XIRP2: variants seen among roughly 807,000 people sequenced by gnomAD.
XIRP2 encodes the protein xin actin-binding repeat-containing protein 2.
Under a neutral mutation model 277.0 loss-of-function variants are expected in XIRP2, and 236 were observed. The ratio of observed to expected loss-of-function variants is 0.85; its 90% confidence interval spans 0.77 to 0.95. XIRP2 has a LOEUF of 0.95. XIRP2 is among the 40% of genes least tolerant of loss of function. The probability of loss-of-function intolerance (pLI) is 0.00; values close to 1 mark genes in which losing one functional copy is unlikely to be tolerated. For synonymous variants in XIRP2, 1,490 were observed against 1,416.5 expected, an observed-to-expected ratio of 1.05 and a Z score of -1.17; for missense variants, 4,640 against 4,157.5, an observed-to-expected ratio of 1.12 and a Z score of -3.19.
At chr2:166,957,129 G>A (rs184699417) in intron 2 of XIRP2, among the ~76,000 whole-genome samples, 2 of 151,636 alleles carry the variant, frequency 1.3e-5, no homozygotes, top group Admixed American at 6.6e-5. Context: ...TCCATGTTGT[G>A]CCTCATTTGT....
At chr2:167,138,584 TC>T (rs1288552195) in intron 3 of XIRP2, among the ~76,000 whole-genome samples, 1 of 152,194 alleles carries the variant, frequency 6.6e-6, no homozygotes, top group Non-Finnish European at 1.5e-5. Context: ...ATTCACATTT[TC>T]TTGGAGATAC....
chr2:167,072,576 C>T (rs1023334238), intron 2 of XIRP2, among the ~76,000 whole-genome samples: 8 of 152,066 alleles, frequency 5.3e-5, no homozygotes, highest in African/African-American at 1.7e-4. Flanking sequence ...ATTATATATA[C>T]GTCTATATCC....
At chr2:167,217,771 T>C (rs909181130) in intron 4 of XIRP2, among the ~76,000 whole-genome samples, 9 of 152,172 alleles carry the variant, frequency 5.9e-5, no homozygotes, top group African/African-American at 1.9e-4. Context: ...ATGTGTTCCC[T>C]ATATAGATGT....
At chr2:167,227,512 G>A (rs925144195) in intron 5 of XIRP2, among the ~76,000 whole-genome samples, 9 of 152,000 alleles carry the variant, frequency 5.9e-5, no homozygotes, top group Admixed American at 1.3e-4. Flanking sequence ...ACCAGCCTGG[G>A]CAACATAGCA....
chr2:167,077,367 T>G (rs1339338644), intron 2 of XIRP2, among the ~76,000 whole-genome samples: 1 of 152,160 alleles, frequency 6.6e-6, no homozygotes, highest in Non-Finnish European at 1.5e-5. Context: ...GAGTCATTTA[T>G]TCAACAAATA....
chr2:167,166,862 A>G (rs114159804), intron 3 of XIRP2, among the ~76,000 whole-genome samples: 6,221 of 152,226 alleles, frequency 0.041, 136 homozygotes, highest in Non-Finnish European at 0.051. Context: ...AATTATATCA[A>G]TGGTGTTGTT....
chr2:167,007,679 A>ACTCTCTCT (rs145843756), intron 2 of XIRP2, among the ~76,000 whole-genome samples: 25 of 142,384 alleles, frequency 1.8e-4, no homozygotes, highest in Middle Eastern at 3.6e-3. Context: ...CCACATGTAC[A>ACTCTCTCT]CTCTCTCTCT....
chr2:167,057,734 A>G (rs532650355), intron 2 of XIRP2, among the ~76,000 whole-genome samples: 63 of 152,350 alleles, frequency 4.1e-4, no homozygotes, highest in Admixed American at 9.2e-4. Flanking sequence ...AGAGACAACC[A>G]TAAATCCTGA....
rs111679987 is a variant in XIRP2, at chr2:166,930,843, G to A, written c.408+26953G>A. Among the ~76,000 whole-genome samples the A allele has an allele frequency of 3.6e-3, 555 of 152,178 alleles. 4 individuals carry two copies. Among genetic ancestry groups the A allele is most frequent in the African/African-American group, 0.012 (507 of 41,532 alleles). On this transcript the variant is annotated intron_variant, in intron 2 of 10. Coordinates refer to ENST00000409195, the MANE Select transcript of XIRP2 (RefSeq NM_152381.6). ...CAGAACATTCCCACTGAAAAAAGACGTAAATTTGAATGAATTGTGTGTTTT... is the reference window on the plus strand; with the variant it reads ...CAGAACATTCCCACTGAAAAAAGACATAAATTTGAATGAATTGTGTGTTTT...
rs1684435923 is a variant in XIRP2, at chr2:166,903,494, G to T, written c.12G>T (p.Met4Ile). The change falls in exon 2 of 11, where the codon ATG becomes ATT. Residue 4 changes from methionine (M) to isoleucine (I), a missense_variant. Physicochemically the swap from Met to Ile is conservative, Grantham distance 10 (BLOSUM62 1). Coordinates refer to ENST00000409195, the MANE Select transcript of XIRP2 (RefSeq NM_152381.6). Reference sequence around the variant, plus strand: ...ACCTGGACCCATCCATGTTCCCAATGCAGAAGGGCTCCCTCAACCTCCTGA... The same window carrying T: ...ACCTGGACCCATCCATGTTCCCAATTCAGAAGGGCTCCCTCAACCTCCTGA... MFPMQKGSLNLLRQ... is the reference protein window; with the variant it reads MFPIQKGSLNLLRQ... The T allele has an allele frequency of 6.2e-7, 1 of 1,612,534 alleles. No individual in the cohort carries two copies. Among genetic ancestry groups the T allele is most frequent in the Non-Finnish European group, 8.5e-7 (1 of 1,179,046 alleles).
rs75540350 is a variant in XIRP2, at chr2:167,240,112, T to A, written c.969+147T>A. On this transcript the variant is annotated intron_variant, in intron 6 of 10. Transcript: ENST00000409195. ...TTCTTTCTCCACTTTCAAGTTGGAA[T>A]TCTTTTAAAAGTAAAATAGGGCCAG... 7.5e-3 allele frequency: 6,105 copies of A among 814,238 alleles called. 35 individuals carry two copies. The highest frequency in any genetic ancestry group is 9.9e-3 in the Non-Finnish European group (5,541 of 562,330). The allele number at this position is 814,238 out of a possible 1,614,324, so 50.4% of individuals were successfully genotyped here. A position where few individuals can be genotyped will look rare whatever the true frequency, so the allele number is the denominator to read the frequency against.
At chr2:167,122,676 G>C (rs1239843895) in intron 2 of XIRP2, among the ~76,000 whole-genome samples, 1 of 152,148 alleles carries the variant, frequency 6.6e-6, no homozygotes, top group Non-Finnish European at 1.5e-5. Context: ...GCACATGGCT[G>C]CCTACTTAGT....
At chr2:167,168,121 A>G (rs1404034071) in intron 3 of XIRP2, among the ~76,000 whole-genome samples, 1 of 152,050 alleles carries the variant, frequency 6.6e-6, no homozygotes, top group Non-Finnish European at 1.5e-5. Flanking sequence ...TCATTAGGTG[A>G]GCTTGTCTGT....
At position 167,168,251 on chromosome 2, in the gene XIRP2, G is replaced by A. The variant is rs959602731; in HGVS notation, c.562+32189G>A. 3.3e-5 allele frequency among the ~76,000 whole-genome samples: 5 copies of A among 152,076 alleles called. No individual in the cohort carries two copies. In the East Asian group the frequency reaches 5.8e-4, roughly 18 times the overall value. The stretch of plus-strand genomic sequence containing the variant: ...ATTTATCTTGTTCAGTGTTCTCTGC[G>A]CTTTCTGGGTTTGTGGTTTGGTGTC... On this transcript the variant is annotated intron_variant, in intron 3 of 10. Coordinates refer to ENST00000409195, the MANE Select transcript of XIRP2 (RefSeq NM_152381.6).
intron 1 of XIRP2, among the ~76,000 whole-genome samples, chr2:166,895,116 T>C (rs1292755721): frequency 6.6e-6 from 1 of 152,104 alleles, no homozygotes; most frequent in Non-Finnish European, 1.5e-5. Flanking sequence ...GGAATCATGG[T>C]TGAAAATCTC....
intron 2 of XIRP2, among the ~76,000 whole-genome samples, chr2:167,122,375 T>G (rs941627771): frequency 6.6e-6 from 1 of 152,208 alleles, no homozygotes; most frequent in African/African-American, 2.4e-5. Context: ...AAAAGGTGCA[T>G]ATATGCCAAA....
At chr2:166,970,717 A>G (rs1686556161) in intron 2 of XIRP2, among the ~76,000 whole-genome samples, 1 of 151,952 alleles carries the variant, frequency 6.6e-6, no homozygotes, top group Admixed American at 6.6e-5. Context: ...TAGCCTAGGG[A>G]AGATTTCAGT....
chr2:166,898,430 C>T (rs1310551375), intron 1 of XIRP2, among the ~76,000 whole-genome samples: 1 of 152,074 alleles, frequency 6.6e-6, no homozygotes, highest in African/African-American at 2.4e-5. Context: ...CCCACCTTCT[C>T]CTACAATTGG....
chr2:166,902,566 T>C (rs1313528385), intron 1 of XIRP2, among the ~76,000 whole-genome samples: 1 of 152,040 alleles, frequency 6.6e-6, no homozygotes, highest in Non-Finnish European at 1.5e-5. Context: ...CAAAAATTAG[T>C]GCTAGCATAT....
Sources: allele counts gnomAD v4.1 joint callset (sites outside exome capture counted in the v4.1 genomes callset), GRCh38; gene constraint gnomAD v4.1.1; transcripts MANE v1.5; gene names NCBI Gene and HGNC (gene_info 2026-07-23, HGNC 2026-07-21).